The following BBX variants were observed in gnomAD, a reference collection of about 807,000 sequenced individuals.
The protein encoded by BBX is HMG box transcription factor BBX.
Under a neutral mutation model 100.2 loss-of-function variants are expected in BBX, and 30 were observed. The ratio of observed to expected loss-of-function variants is 0.30; its 90% CI spans 0.22 to 0.41. BBX has a LOEUF of 0.41. BBX is among the 10% of genes least tolerant of loss of function. The pLI, the probability that BBX is intolerant of heterozygous loss-of-function variation, is 1.00. For synonymous variants in BBX, 376 were observed against 388.1 expected, an observed-to-expected ratio of 0.97 and a Z score of 0.37; for missense variants, 1,023 against 1,129.8, an observed-to-expected ratio of 0.91 and a Z score of 1.35.
At chr3:107,701,844 C>T (rs1341916130) in intron 3 of BBX, among the ~76,000 whole-genome samples, 1 of 151,772 alleles carries the variant, frequency 6.6e-6, no homozygotes, top group Admixed American at 6.6e-5. Context: ...ATAGTACCTA[C>T]CTTTTAGGCT....
chr3:107,798,464 G>C, intron 15 of BBX, 59 bp from the exon 16 acceptor site: 1 of 1,508,866 alleles, frequency 6.6e-7, no homozygotes, highest in Non-Finnish European at 9.2e-7. Context: ...TTCCTTCTAA[G>C]AGCAATTTTG....
At chr3:107,704,413 G>A (rs995420894) in intron 3 of BBX, among the ~76,000 whole-genome samples, 5 of 152,282 alleles carry the variant, frequency 3.3e-5, no homozygotes, top group African/African-American at 4.8e-5. Flanking sequence ...TTTTGTGGAC[G>A]TGGAGATGTC....
chr3:107,731,105 A>G (rs1023402872), intron 6 of BBX, among the ~76,000 whole-genome samples: 6 of 152,218 alleles, frequency 3.9e-5, no homozygotes, highest in Non-Finnish European at 7.3e-5. Context: ...TAATTGCACT[A>G]AAGAAAGCAT....
chr3:107,778,267 C>A, intron 12 of BBX, 104 bp from the exon 13 acceptor site: 3 of 1,397,812 alleles, frequency 2.1e-6, no homozygotes, highest in Non-Finnish European at 3.0e-6. Flanking sequence ...ACCTAATTCC[C>A]AGAGACCCTG....
intron 4 of BBX, among the ~76,000 whole-genome samples, chr3:107,714,643 G>A (rs1338016179): frequency 1.3e-5 from 2 of 151,998 alleles, no homozygotes; most frequent in Non-Finnish European, 1.5e-5. Flanking sequence ...ACATAATGAG[G>A]AAGATAAATA....
chr3:107,805,485 C>G lies in BBX; in HGVS notation c.*28C>G. 1 of 1,614,068 alleles carries G rather than the reference C, an allele frequency of 6.2e-7. No homozygotes were observed. Among genetic ancestry groups the G allele is most frequent in the South Asian group, 1.1e-5 (1 of 91,084 alleles). On this transcript the variant is annotated 3_prime_UTR_variant, in exon 18 of 18. Transcript: ENST00000325805. ...CGCCCTTTCATTGTAAAACATTGTGCTTTACCTACTACCCTAGCCTTGTCT... is the reference window on the plus strand; with the variant it reads ...CGCCCTTTCATTGTAAAACATTGTGGTTTACCTACTACCCTAGCCTTGTCT...
At chr3:107,745,981 GT>G (rs929327038) in intron 8 of BBX, among the ~76,000 whole-genome samples, 2 of 151,914 alleles carry the variant, frequency 1.3e-5, no homozygotes, top group African/African-American at 4.8e-5. Flanking sequence ...TATATAAAAG[GT>G]CTCTATCTCC....
intron 13 of BBX, among the ~76,000 whole-genome samples, chr3:107,779,802 G>T (rs921510979): frequency 5.9e-5 from 9 of 151,962 alleles, no homozygotes; most frequent in African/African-American, 1.9e-4. Flanking sequence ...TTGCACACTG[G>T]AATTGACACA....
chr3:107,525,439 T>C (rs2047692734), intron 1 of BBX: 1 of 152,326 alleles, frequency 6.6e-6, no homozygotes, highest in African/African-American at 2.4e-5. Context: ...ACCCCACTCG[T>C]TGCTCCTCCG....
intron 5 of BBX, among the ~76,000 whole-genome samples, chr3:107,725,170 G>A (rs951984929): frequency 1.8e-4 from 27 of 152,098 alleles, no homozygotes; most frequent in East Asian, 7.7e-4. Context: ...CTTTGAAGCA[G>A]TTGTGAAGGG....
At chr3:107,803,673 A>G (rs2070761669) in intron 17 of BBX, among the ~76,000 whole-genome samples, 1 of 152,208 alleles carries the variant, frequency 6.6e-6, no homozygotes, top group South Asian at 2.1e-4. Context: ...ATGACCGTTA[A>G]TTAACTTGCC....
intron 2 of BBX, among the ~76,000 whole-genome samples, chr3:107,612,880 A>G (rs946767161): frequency 2.6e-5 from 4 of 152,156 alleles, no homozygotes; most frequent in Non-Finnish European, 5.9e-5. Flanking sequence ...CTGTCTGGGA[A>G]CCAGAGCCTG....
chr3:107,597,170 A>G (rs2053718699), intron 2 of BBX, among the ~76,000 whole-genome samples: 1 of 152,212 alleles, frequency 6.6e-6, no homozygotes, highest in South Asian at 2.1e-4. Context: ...ACTTTATAAT[A>G]CTTTATGTTG....
At chr3:107,800,338 G>A (rs1034605031) in intron 16 of BBX, among the ~76,000 whole-genome samples, 6 of 152,122 alleles carry the variant, frequency 3.9e-5, no homozygotes, top group Admixed American at 3.9e-4. Flanking sequence ...AGAAATATGA[G>A]AACAGTCCCA....
Position 107,773,890 on chromosome 3 carries a change from C to T in BBX, c.1915+254C>T, listed in dbSNP as rs1301548361. 3.9e-5 allele frequency among the ~76,000 whole-genome samples: 6 copies of T among 152,080 alleles called. No homozygotes were observed. The highest frequency in any genetic ancestry group is 3.9e-4 in the Admixed American group (6 of 15,270). ...TTAAAGTAATTTTAATCTCTTCTTTCCCCCCACTGGTATGGGCTGGCTGTT... is the reference window on the plus strand; with the variant it reads ...TTAAAGTAATTTTAATCTCTTCTTTTCCCCCACTGGTATGGGCTGGCTGTT... On this transcript the variant is annotated intron_variant, in intron 11 of 17. Coordinates refer to ENST00000325805, the MANE Select transcript of BBX (RefSeq NM_001142568.3). The surrounding 1 kb of genome is among the most constrained non-coding windows in gnomAD (Gnocchi z 4.1).
chr3:107,548,955 A>C (rs2049449553), intron 2 of BBX, among the ~76,000 whole-genome samples: 1 of 152,162 alleles, frequency 6.6e-6, no homozygotes, highest in Non-Finnish European at 1.5e-5. Flanking sequence ...CACCATAGAC[A>C]TAAAGATGGG....
Position 107,717,409 on chromosome 3 carries a change from G to A in BBX, c.405+560G>A, listed in dbSNP as rs558995962. Among the ~76,000 whole-genome samples the A allele has an allele frequency of 2.6e-5, 4 of 152,064 alleles. No homozygotes were observed. The South Asian group carries it at 8.3e-4, about 32-fold the overall frequency. ...TTTTTTTTCTTTCCTAATGTTATTG[G>A]AATGAGAAAGTTGGACAAAGATTTG... is the stretch of plus-strand genomic sequence containing the variant. On this transcript the variant is annotated intron_variant, in intron 5 of 17. Coordinates refer to ENST00000325805, the MANE Select transcript of BBX (RefSeq NM_001142568.3).
At chr3:107,575,579 A>G (rs559201775) in intron 2 of BBX, among the ~76,000 whole-genome samples, 22 of 152,286 alleles carry the variant, frequency 1.4e-4, no homozygotes, top group African/African-American at 5.3e-4. Flanking sequence ...TGCTAATTAT[A>G]TATTTTAGTT....
chr3:107,563,479 G>T (rs1034833126), intron 2 of BBX, among the ~76,000 whole-genome samples: 20 of 152,120 alleles, frequency 1.3e-4, no homozygotes, highest in African/African-American at 4.8e-4. Flanking sequence ...ATCACAGAAG[G>T]TTAAATATTA....
Sources: allele counts gnomAD v4.1 joint callset (sites outside exome capture counted in the v4.1 genomes callset), GRCh38; gene constraint gnomAD v4.1.1; non-coding constraint Gnocchi (gnomAD v3.1); transcripts MANE v1.5; gene names NCBI Gene and HGNC (gene_info 2026-07-23, HGNC 2026-07-21).